The following ENAH variants were observed in gnomAD, a reference collection of about 807,000 sequenced individuals.
ENAH encodes the protein protein enabled homolog.
ENAH carries 23 observed loss-of-function variants against 78.7 expected under a neutral mutation model. The ratio of observed to expected loss-of-function variants is 0.29; its 90% confidence interval spans 0.21 to 0.41. ENAH has a LOEUF of 0.41. Among genes scored for constraint, ENAH ranks in the 10% least tolerant of loss-of-function variants. The pLI is 1.00. For synonymous variants in ENAH, 226 were observed against 241.0 expected (o/e 0.94, Z 0.58); for missense variants, 544 against 691.0 (o/e 0.79, Z 2.39).
chr1:225,597,518 A>G lies in ENAH; in HGVS notation c.6-30104T>C, dbSNP rs1003079235. ...CTACAAATTTAAAAATTAGCTGGGC[A>G]TGGTGGTACACACCTGTAGTCCCAG... On this transcript the variant is annotated intron_variant, in intron 1 of 13. Coordinates refer to ENST00000366843, the MANE Select transcript of ENAH (RefSeq NM_018212.6). 5.9e-5 allele frequency among the ~76,000 whole-genome samples: 9 copies of G among 152,146 alleles called. No homozygotes were observed. In the South Asian group the frequency reaches 1.7e-3, roughly 28 times the overall value.
intron 3 of ENAH, among the ~76,000 whole-genome samples, chr1:225,547,617 A>T (rs1366776708): frequency 6.6e-6 from 1 of 151,564 alleles, no homozygotes; most frequent in Admixed American, 6.6e-5. Context: ...TCACATTATC[A>T]CTCTTGCTTG....
chr1:225,511,316 T>C (rs1360134947), intron 10 of ENAH, among the ~76,000 whole-genome samples: 1 of 152,224 alleles, frequency 6.6e-6, no homozygotes, highest in Non-Finnish European at 1.5e-5. Flanking sequence ...AAATATACTT[T>C]TGTTAATATT....
intron 1 of ENAH, among the ~76,000 whole-genome samples, chr1:225,633,578 T>C (rs941039764): frequency 6.6e-6 from 1 of 152,212 alleles, no homozygotes; most frequent in Non-Finnish European, 1.5e-5. Context: ...CTGTCATTTA[T>C]CTACTGTATG....
intron 1 of ENAH, among the ~76,000 whole-genome samples, chr1:225,578,981 G>A (rs1292867429): frequency 6.6e-6 from 1 of 152,144 alleles, no homozygotes; most frequent in Non-Finnish European, 1.5e-5. Flanking sequence ...TATGTATATA[G>A]TACTTACTAA....
At chr1:225,618,442 T>C (rs1238095420) in intron 1 of ENAH, among the ~76,000 whole-genome samples, 1 of 152,174 alleles carries the variant, frequency 6.6e-6, no homozygotes, top group Non-Finnish European at 1.5e-5. Context: ...AGTGGCCAAT[T>C]TGGAACCTTT....
intron 1 of ENAH, among the ~76,000 whole-genome samples, chr1:225,608,748 G>A (rs989256080): frequency 1.3e-5 from 2 of 148,510 alleles, no homozygotes; most frequent in Admixed American, 6.7e-5. Flanking sequence ...CCCGGGAGGC[G>A]GAGGTTGCAG....
At chr1:225,512,793 G>A in intron 8 of ENAH, 78 bp downstream of exon 8, 14 of 1,606,708 alleles carry the variant, frequency 8.7e-6, no homozygotes, top group Non-Finnish European at 1.2e-5. Context: ...GGAAAGAAGT[G>A]CATCTAGTTA....
rs1161045363 is a variant in ENAH, at chr1:225,497,591, A to C, written c.*184T>G. 2 of 455,112 alleles carry C rather than the reference A, an allele frequency of 4.4e-6. No individual in the cohort carries two copies. The highest frequency in any genetic ancestry group is 6.4e-5 in the East Asian group (2 of 31,278). The allele number at this position is 455,112 out of a possible 1,614,324, so 28.2% of individuals were successfully genotyped here. ...AAAAAAGCAGCAAACGGAGAGGGAAAGAGCTTATCACCAGAGTCATAATGT... is the reference window on the plus strand; with the variant it reads ...AAAAAAGCAGCAAACGGAGAGGGAACGAGCTTATCACCAGAGTCATAATGT... On this transcript the variant is annotated 3_prime_UTR_variant, in exon 14 of 14. Transcript: ENST00000366843.
intron 2 of ENAH, among the ~76,000 whole-genome samples, chr1:225,561,663 G>T (rs1227847896): frequency 4.5e-5 from 1 of 22,154 alleles, no homozygotes; most frequent in South Asian, 8.7e-4. Flanking sequence ...AATAAAATTA[G>T]TATGTTCACT....
chr1:225,529,500 A>C (rs967942934), intron 4 of ENAH, among the ~76,000 whole-genome samples: 3 of 152,150 alleles, frequency 2.0e-5, no homozygotes, highest in Non-Finnish European at 4.4e-5. Context: ...GCCCCTTCAC[A>C]ACATATAATC....
chr1:225,646,864 G>C (rs1662062568), intron 1 of ENAH, among the ~76,000 whole-genome samples: 1 of 152,104 alleles, frequency 6.6e-6, no homozygotes, highest in African/African-American at 2.4e-5. Context: ...TGTTATGGCA[G>C]CCCACACTAA....
chr1:225,615,991 T>C (rs1306405005), intron 1 of ENAH, among the ~76,000 whole-genome samples: 2 of 152,076 alleles, frequency 1.3e-5, no homozygotes, highest in Non-Finnish European at 2.9e-5. Context: ...CTAAGAAAAA[T>C]TCTTCTGCCT....
At chr1:225,522,522 C>T (rs1446308993) in intron 4 of ENAH, among the ~76,000 whole-genome samples, 3 of 152,118 alleles carry the variant, frequency 2.0e-5, no homozygotes, top group South Asian at 4.1e-4. Flanking sequence ...TGATAAATCA[C>T]TAGCTGCCAA....
intron 6 of ENAH, among the ~76,000 whole-genome samples, chr1:225,516,957 T>C (rs1179549927): frequency 1.3e-5 from 2 of 151,408 alleles, no homozygotes; most frequent in Admixed American, 6.6e-5. Context: ...TTAACTGCGA[T>C]ACTATAAAAG....
chr1:225,509,059 T>C (rs529196317), intron 10 of ENAH, among the ~76,000 whole-genome samples: 10 of 152,346 alleles, frequency 6.6e-5, no homozygotes, highest in African/African-American at 2.4e-4. Context: ...CCTCATCAAC[T>C]AAATTCCTTC....
intron 1 of ENAH, among the ~76,000 whole-genome samples, chr1:225,570,305 G>C (rs886462531): frequency 5.3e-5 from 8 of 152,040 alleles, no homozygotes; most frequent in African/African-American, 1.9e-4. Flanking sequence ...CAGCATCTGA[G>C]GACCTCTTCT....
chr1:225,489,531 A>T lies in ENAH; in HGVS notation c.*8244T>A, dbSNP rs1558681785. ...AGCTGCACTTAAGATGGGAGAGCCAAACTCAGATCTTTTTTCTCCTTCTCT... is the reference window on the plus strand; with the variant it reads ...AGCTGCACTTAAGATGGGAGAGCCATACTCAGATCTTTTTTCTCCTTCTCT... On this transcript the variant is annotated 3_prime_UTR_variant, in exon 14 of 14. Coordinates refer to ENST00000366843, the MANE Select transcript of ENAH (RefSeq NM_018212.6). 6.6e-6 allele frequency: 1 copy of T among 152,222 alleles called. No individual in the cohort carries two copies. Among genetic ancestry groups the T allele is most frequent in the Admixed American group, 6.5e-5 (1 of 15,280 alleles). The allele number at this position is 152,222 out of a possible 1,614,324, so 9.4% of individuals were successfully genotyped here. A position where few individuals can be genotyped will look rare whatever the true frequency, so the allele number is the denominator to read the frequency against.
chr1:225,514,797 AGGT>A lies in ENAH; in HGVS notation c.1014_1016del (p.Pro341del), dbSNP rs1408571099. 2.4e-6 allele frequency: 2 copies of A among 839,494 alleles called. No individual in the cohort carries two copies. The highest frequency in any genetic ancestry group is 1.7e-4 in the Admixed American group (2 of 11,876). 52.0% of individuals were successfully genotyped at this position (839,494 alleles called of 1,614,324 possible). ...GAGGCCCGGTGGATGGGAGTGGAGG[AGGT>A]GGAGGGGGCCCTGGGGGAGGAGGGA... On this transcript the variant is annotated inframe_deletion, in exon 7 of 14. Coordinates refer to ENST00000366843, the MANE Select transcript of ENAH (RefSeq NM_018212.6).
At chr1:225,621,276 ACTT>A (rs1656843185) in intron 1 of ENAH, among the ~76,000 whole-genome samples, 2 of 150,546 alleles carry the variant, frequency 1.3e-5, no homozygotes, top group Non-Finnish European at 3.0e-5. Context: ...CATGGGAATT[ACTT>A]CTTTAAATCT....
Sources: gnomAD v4.1 joint callset for allele counts (sites outside exome capture counted in the v4.1 genomes callset) on GRCh38, gnomAD v4.1.1 for gene constraint, MANE v1.5 for transcripts, NCBI Gene and HGNC (gene_info 2026-07-23, HGNC 2026-07-21) for gene names.